The following KCNQ1OT1 variants were observed in gnomAD, a reference collection of about 807,000 sequenced individuals.
KCNQ1OT1 encodes the protein KCNQ1 antisense RNA 2 (non-protein coding).
Position 2,682,110 on chromosome 11 carries a change from G to A in KCNQ1OT1, n.17885C>T, listed in dbSNP as rs1850408640. 5.0e-6 allele frequency: 2 copies of A among 398,438 alleles called. No homozygotes were observed. The highest frequency in any genetic ancestry group is 8.8e-6 in the Non-Finnish European group (2 of 226,080). 24.7% of individuals were successfully genotyped at this position (398,438 alleles called of 1,614,324 possible). ...CAGGGTCACAAAGCTAGGGAGCCGT[G>A]GATCTGCAGGAGATGTCCCAGCTCA... is the stretch of plus-strand genomic sequence containing the variant. On this transcript the variant is annotated non_coding_transcript_exon_variant, in exon 1 of 1. Transcript: ENST00000597346. The surrounding 1 kb of genome is among the most constrained non-coding windows in gnomAD (Gnocchi z 5.8).
chr11:2,683,443 G>A lies in KCNQ1OT1; in HGVS notation n.16552C>T. On this transcript the variant is annotated non_coding_transcript_exon_variant, in exon 1 of 1. Coordinates refer to ENST00000597346, the Ensembl canonical transcript of KCNQ1OT1. This position sits in a 1 kb window ranked among gnomAD's most constrained non-coding sequence, Gnocchi z 4.7. ...CCCAGGAATGGGTAACTGGAAAAAT[G>A]TAGGAATTACATATGATTCCATCAA... 2 of 398,650 alleles carry A rather than the reference G, an allele frequency of 5.0e-6. No individual in the cohort carries two copies. Among genetic ancestry groups the A allele is most frequent in the Non-Finnish European group, 8.8e-6 (2 of 226,076 alleles). 24.7% of individuals were successfully genotyped at this position (398,650 alleles called of 1,614,324 possible).
At chr11:2,694,787 T>G (rs1280257945) in exon 1 of KCNQ1OT1, 1 of 398,390 alleles carries the variant, frequency 2.5e-6, no homozygotes, top group African/African-American at 2.1e-5. Context: ...TTGCAGAGAC[T>G]CGAAAGGTAG....
chr11:2,651,885 G>C lies in KCNQ1OT1; in HGVS notation n.48110C>G. 2.5e-6 allele frequency: 1 copy of C among 398,746 alleles called. No homozygotes were observed. The highest frequency in any genetic ancestry group is 4.4e-6 in the Non-Finnish European group (1 of 226,156). 24.7% of individuals were successfully genotyped at this position (398,746 alleles called of 1,614,324 possible). ...TTGAAGTAGTGTTCAGGCTGAGGGG[G>C]TCATAGCCGAGGGTCCCTCTGGGGC... On this transcript the variant is annotated non_coding_transcript_exon_variant, in exon 1 of 1. Transcript: ENST00000597346. This position sits in a 1 kb window ranked among gnomAD's most constrained non-coding sequence, Gnocchi z 6.1.
At position 2,617,710 on chromosome 11, in the gene KCNQ1OT1, A is replaced by G; in HGVS notation, n.82285T>C. ...TACAAGAGTTCCCTAACCCTAGCCA[A>G]CACTTAATAGCTATTCTCATGAGTG... On this transcript the variant is annotated non_coding_transcript_exon_variant, in exon 1 of 1. Transcript: ENST00000597346. The surrounding 1 kb of genome is among the most constrained non-coding windows in gnomAD (Gnocchi z 4.6). 1 of 398,416 alleles carries G rather than the reference A, an allele frequency of 2.5e-6. No homozygotes were observed. The highest frequency in any genetic ancestry group is 4.4e-6 in the Non-Finnish European group (1 of 225,936). The allele number at this position is 398,416 out of a possible 1,614,324, so 24.7% of individuals were successfully genotyped here.
rs192428260 is a variant in KCNQ1OT1 at position 2,628,586 on chromosome 11, T to C, written n.71409A>G. Reference sequence around the variant, plus strand: ...GTTGGAAATATTTTCTCCCGCTACATGTGCTGCCTTTTCATTTTGTTGTTT... The same window carrying C: ...GTTGGAAATATTTTCTCCCGCTACACGTGCTGCCTTTTCATTTTGTTGTTT... On this transcript the variant is annotated non_coding_transcript_exon_variant, in exon 1 of 1. Transcript: ENST00000597346. The C allele has an allele frequency of 8.1e-4, 322 of 398,482 alleles. 2 individuals are homozygous for C. The East Asian group carries it at 0.011, about 13-fold the overall frequency. The allele number at this position is 398,482 out of a possible 1,614,324, so 24.7% of individuals were successfully genotyped here. A position where few individuals can be genotyped will look rare whatever the true frequency, so the allele number is the denominator to read the frequency against.
At chr11:2,610,717 T>A (rs1361204857) in exon 1 of KCNQ1OT1, 2 of 42,798 alleles carry the variant, frequency 4.7e-5, no homozygotes, top group Non-Finnish European at 8.9e-5. Context: ...CTTGGTTGGC[T>A]TTTTTTTTTT....
chr11:2,608,625 T>C lies in KCNQ1OT1; in HGVS notation n.91370A>G, dbSNP rs1848921627. 2.3e-5 allele frequency: 9 copies of C among 398,556 alleles called. No homozygotes were observed. Among genetic ancestry groups the C allele is most frequent in the Non-Finnish European group, 3.5e-5 (8 of 226,060 alleles). The allele number at this position is 398,556 out of a possible 1,614,324, so 24.7% of individuals were successfully genotyped here. A position where few individuals can be genotyped will look rare whatever the true frequency, so the allele number is the denominator to read the frequency against. ...GACAGGTGTGCACCACAACACCAGCTGTTATTCAAAAAATATTTTGTAGAG... is the reference window on the plus strand; with the variant it reads ...GACAGGTGTGCACCACAACACCAGCCGTTATTCAAAAAATATTTTGTAGAG... On this transcript the variant is annotated non_coding_transcript_exon_variant, in exon 1 of 1. Coordinates refer to ENST00000597346, the Ensembl canonical transcript of KCNQ1OT1. This position sits in a 1 kb window ranked among gnomAD's most constrained non-coding sequence, Gnocchi z 4.6.
At chr11:2,693,613 G>A (rs1850624935) in exon 1 of KCNQ1OT1, 1 of 398,654 alleles carries the variant, frequency 2.5e-6, no homozygotes. Context: ...TTGCAAACAA[G>A]AGCTTCGCCC....
chr11:2,673,741 G>A lies in KCNQ1OT1; in HGVS notation n.26254C>T, dbSNP rs906687797. 58 of 398,486 alleles carry A rather than the reference G, an allele frequency of 1.5e-4. No homozygotes were observed. The East Asian group carries it at 2.1e-3, about 14-fold the overall frequency. The allele number at this position is 398,486 out of a possible 1,614,324, so 24.7% of individuals were successfully genotyped here. A position where few individuals can be genotyped will look rare whatever the true frequency, so the allele number is the denominator to read the frequency against. ...CTTGGAAGGCCCAGACTGGACAGGGGAAGGGGTACAGTCCCTTCTTGCTGG... is the reference window on the plus strand; with the variant it reads ...CTTGGAAGGCCCAGACTGGACAGGGAAAGGGGTACAGTCCCTTCTTGCTGG... On this transcript the variant is annotated non_coding_transcript_exon_variant, in exon 1 of 1. Transcript: ENST00000597346. The surrounding 1 kb of genome is among the most constrained non-coding windows in gnomAD (Gnocchi z 4.5).
exon 1 of KCNQ1OT1, chr11:2,644,993 C>T (rs551165299): frequency 4.0e-5 from 16 of 398,634 alleles, no homozygotes; most frequent in African/African-American, 2.5e-4. Context: ...ATGCTGGTAC[C>T]AGTGTTAGCA....
Position 2,687,039 on chromosome 11 carries a change from C to T in KCNQ1OT1, n.12956G>A, listed in dbSNP as rs533589390. ...AGCTTAGGGCTAAAACTCAGCAGTCCCAGCTCTGGGGGACAAGGACCCACA... is the reference window on the plus strand; with the variant it reads ...AGCTTAGGGCTAAAACTCAGCAGTCTCAGCTCTGGGGGACAAGGACCCACA... On this transcript the variant is annotated non_coding_transcript_exon_variant, in exon 1 of 1. Coordinates refer to ENST00000597346, the Ensembl canonical transcript of KCNQ1OT1. The surrounding 1 kb of genome is among the most constrained non-coding windows in gnomAD (Gnocchi z 5.0). The T allele has an allele frequency of 2.5e-6, 1 of 398,618 alleles. No homozygotes were observed. Among genetic ancestry groups the T allele is most frequent in the East Asian group, 3.6e-5 (1 of 28,078 alleles). The allele number at this position is 398,618 out of a possible 1,614,324, so 24.7% of individuals were successfully genotyped here.
In KCNQ1OT1 at chr11:2,611,302, C is replaced by T; in HGVS notation, n.88693G>A. 1 of 397,500 alleles carries T rather than the reference C, an allele frequency of 2.5e-6. No individual in the cohort carries two copies. Among genetic ancestry groups the T allele is most frequent in the South Asian group, 1.4e-4 (1 of 7,034 alleles). 24.6% of individuals were successfully genotyped at this position (397,500 alleles called of 1,614,324 possible). ...TGGCGTGACCTTGGCTCACTGCAAC[C>T]TCTGCCTCCCGGATTCAAGCCGTTC... On this transcript the variant is annotated non_coding_transcript_exon_variant, in exon 1 of 1. Coordinates refer to ENST00000597346, the Ensembl canonical transcript of KCNQ1OT1. This position sits in a 1 kb window ranked among gnomAD's most constrained non-coding sequence, Gnocchi z 5.3.
At position 2,691,211 on chromosome 11, in the gene KCNQ1OT1, G is replaced by A. The variant is rs1274150474; in HGVS notation, n.8784C>T. On this transcript the variant is annotated non_coding_transcript_exon_variant, in exon 1 of 1. Coordinates refer to ENST00000597346, the Ensembl canonical transcript of KCNQ1OT1. The surrounding 1 kb of genome is among the most constrained non-coding windows in gnomAD (Gnocchi z 6.4). ...CTCAGCTGTGTTTAAAAATTAGCAA[G>A]TGGAGGAGTTAGAGGATCTGCAGTT... 4 of 398,564 alleles carry A rather than the reference G, an allele frequency of 1.0e-5. No individual in the cohort carries two copies. Among genetic ancestry groups the A allele is most frequent in the East Asian group, 7.1e-5 (2 of 28,086 alleles). 24.7% of individuals were successfully genotyped at this position (398,564 alleles called of 1,614,324 possible).
In KCNQ1OT1 at chr11:2,620,955, T is replaced by TTTC. The variant is rs1564836173; in HGVS notation, n.79039_79040insGAA. ...TTGTTGTTGTTTTGTTTTGTTTTTTTTTGTCTGTTTTTTGCTTTTTTGTTT... is the reference window on the plus strand; with the variant it reads ...TTGTTGTTGTTTTGTTTTGTTTTTTTTTCTTGTCTGTTTTTTGCTTTTTTGTTT... On this transcript the variant is annotated non_coding_transcript_exon_variant, in exon 1 of 1. Coordinates refer to ENST00000597346, the Ensembl canonical transcript of KCNQ1OT1. This position sits in a 1 kb window ranked among gnomAD's most constrained non-coding sequence, Gnocchi z 4.5. 2 of 397,704 alleles carry TTTC rather than the reference T, an allele frequency of 5.0e-6. No individual in the cohort carries two copies. The highest frequency in any genetic ancestry group is 3.6e-5 in the East Asian group (1 of 28,058). The allele number at this position is 397,704 out of a possible 1,614,324, so 24.6% of individuals were successfully genotyped here.
exon 1 of KCNQ1OT1, chr11:2,697,688 T>C (rs1850701756): frequency 2.5e-6 from 1 of 398,524 alleles, no homozygotes; most frequent in African/African-American, 2.1e-5. Context: ...GTTTCTGATA[T>C]TGGATCATCT....
chr11:2,653,881 A>T lies in KCNQ1OT1; in HGVS notation n.46114T>A, dbSNP rs980373904. 10 of 398,556 alleles carry T rather than the reference A, an allele frequency of 2.5e-5. No individual in the cohort carries two copies. Among genetic ancestry groups the T allele is most frequent in the Non-Finnish European group, 4.4e-5 (10 of 226,110 alleles). The allele number at this position is 398,556 out of a possible 1,614,324, so 24.7% of individuals were successfully genotyped here. A position where few individuals can be genotyped will look rare whatever the true frequency, so the allele number is the denominator to read the frequency against. Reference sequence around the variant, plus strand: ...CACTGCACACTAGGAGTGGGAAAGGAAGAGCCCCCTAAGGAAGATTTGAGA... The same window carrying T: ...CACTGCACACTAGGAGTGGGAAAGGTAGAGCCCCCTAAGGAAGATTTGAGA... On this transcript the variant is annotated non_coding_transcript_exon_variant, in exon 1 of 1. Transcript: ENST00000597346. The surrounding 1 kb of genome is among the most constrained non-coding windows in gnomAD (Gnocchi z 5.3).
In KCNQ1OT1 at chr11:2,620,018, TC is replaced by T. The variant is rs139616410; in HGVS notation, n.79976del. 4,359 of 398,138 alleles carry T rather than the reference TC, an allele frequency of 0.011. 93 individuals are homozygous for T. Among genetic ancestry groups the T allele is most frequent in the South Asian group, 0.051 (396 of 7,826 alleles). 24.7% of individuals were successfully genotyped at this position (398,138 alleles called of 1,614,324 possible). ...GTAGGTTTTCAGCCCACCTCTCCAT[TC>T]CTCCCCCAAGTAGTCCCCAGTGTCT... On this transcript the variant is annotated non_coding_transcript_exon_variant, in exon 1 of 1. Transcript: ENST00000597346. The surrounding 1 kb of genome is among the most constrained non-coding windows in gnomAD (Gnocchi z 4.5).
rs556771548 is a variant in KCNQ1OT1, at chr11:2,619,182, G to C, written n.80813C>G. On this transcript the variant is annotated non_coding_transcript_exon_variant, in exon 1 of 1. Coordinates refer to ENST00000597346, the Ensembl canonical transcript of KCNQ1OT1. ...TGTCTTTCATTTCTTTTTCTTGTCT[G>C]TTTGGTTGTACTAGTACTTCCAGTA... is the stretch of plus-strand genomic sequence containing the variant. The C allele has an allele frequency of 5.5e-5, 22 of 398,278 alleles. No individual in the cohort carries two copies. In the Middle Eastern group the frequency reaches 2.5e-3, roughly 45 times the overall value. 24.7% of individuals were successfully genotyped at this position (398,278 alleles called of 1,614,324 possible). A position where few individuals can be genotyped will look rare whatever the true frequency, so the allele number is the denominator to read the frequency against.
rs1354533256 is a variant in KCNQ1OT1 at position 2,663,174 on chromosome 11, G to A, written n.36821C>T. ...TCTTTCCAGGCCCCCCCAGTTCACAGAGAGGTTGGCAGTACCTCATGGTGG... is the reference window on the plus strand; with the variant it reads ...TCTTTCCAGGCCCCCCCAGTTCACAAAGAGGTTGGCAGTACCTCATGGTGG... On this transcript the variant is annotated non_coding_transcript_exon_variant, in exon 1 of 1. Transcript: ENST00000597346. The surrounding 1 kb of genome is among the most constrained non-coding windows in gnomAD (Gnocchi z 5.2). 2 of 398,670 alleles carry A rather than the reference G, an allele frequency of 5.0e-6. No homozygotes were observed. Among genetic ancestry groups the A allele is most frequent in the Non-Finnish European group, 8.8e-6 (2 of 226,198 alleles). 24.7% of individuals were successfully genotyped at this position (398,670 alleles called of 1,614,324 possible).
Sources: allele counts gnomAD v4.1 joint callset, GRCh38; gene constraint gnomAD v4.1.1; non-coding constraint Gnocchi (gnomAD v3.1); transcripts MANE v1.5; gene names NCBI Gene and HGNC (gene_info 2026-07-23, HGNC 2026-07-21).